LPAR3: variants seen among roughly 807,000 people sequenced by gnomAD.
The protein encoded by LPAR3 is lysophosphatidic acid receptor 3, also known as LPA receptor 3.
LPAR3 carries 7 observed loss-of-function variants against 17.8 expected under a neutral mutation model. That is an observed-to-expected ratio of 0.39 (90% confidence interval 0.22 to 0.74). The LOEUF (loss-of-function observed/expected upper bound fraction) is 0.74, where lower values mean the gene tolerates loss of function less well. LPAR3 is among the 30% of genes least tolerant of loss of function. The pLI is 0.40. For missense variants in LPAR3, 391 were observed against 453.4 expected, an observed-to-expected ratio of 0.86 and a Z score of 1.25; for synonymous variants, 179 against 179.9, an observed-to-expected ratio of 0.99 and a Z score of 0.04.
intron 2 of LPAR3, among the ~76,000 whole-genome samples, chr1:84,832,238 A>T (rs1208401095): frequency 1.3e-5 from 2 of 152,122 alleles, no homozygotes; most frequent in Non-Finnish European, 2.9e-5. Context: ...CCCCCTCCCC[A>T]TCTAGGAACA....
chr1:84,861,618 C>A (rs1659943515), intron 2 of LPAR3, among the ~76,000 whole-genome samples: 1 of 152,140 alleles, frequency 6.6e-6, no homozygotes, highest in Non-Finnish European at 1.5e-5. Flanking sequence ...GGGTAAAACC[C>A]AAATCTTTCT....
chr1:84,842,196 G>A (rs547726060), intron 2 of LPAR3, among the ~76,000 whole-genome samples: 5 of 152,266 alleles, frequency 3.3e-5, no homozygotes, highest in South Asian at 2.1e-4. Context: ...TTAAGCTGAC[G>A]TGAGTTGGTT....
chr1:84,819,096 G>A (rs1343725209), intron 2 of LPAR3, among the ~76,000 whole-genome samples: 5 of 151,998 alleles, frequency 3.3e-5, no homozygotes, highest in East Asian at 3.9e-4. Context: ...CTTCCTTCCC[G>A]TCAGCATAAG....
At chr1:84,839,518 G>C (rs1659469562) in intron 2 of LPAR3, among the ~76,000 whole-genome samples, 3 of 152,032 alleles carry the variant, frequency 2.0e-5, no homozygotes, top group African/African-American at 2.4e-5. Flanking sequence ...GCAAAAAGTA[G>C]AAACAATTAG....
intron 2 of LPAR3, among the ~76,000 whole-genome samples, chr1:84,858,948 T>C (rs914252464): frequency 9.9e-5 from 15 of 152,124 alleles, no homozygotes; most frequent in African/African-American, 3.4e-4. Context: ...TCTTACAAGG[T>C]GAATGGGAGT....
At chr1:84,892,642 A>G (rs935827747) in intron 1 of LPAR3, among the ~76,000 whole-genome samples, 1 of 152,210 alleles carries the variant, frequency 6.6e-6, no homozygotes, top group African/African-American at 2.4e-5. Context: ...CCTAATCACC[A>G]TCGATGGCAA....
chr1:84,856,403 T>C (rs1443059073), intron 2 of LPAR3, among the ~76,000 whole-genome samples: 30 of 152,230 alleles, frequency 2.0e-4, no homozygotes, highest in Non-Finnish European at 1.5e-5. Context: ...GTTTTCTTTT[T>C]TTCTATTTTA....
At chr1:84,817,190 C>A (rs935211311) in intron 2 of LPAR3, among the ~76,000 whole-genome samples, 6 of 151,122 alleles carry the variant, frequency 4.0e-5, no homozygotes, top group Non-Finnish European at 7.4e-5. Flanking sequence ...AAAGACATTC[C>A]TTTTAGTTTT....
chr1:84,892,025 A>C (rs1660560835), intron 1 of LPAR3, among the ~76,000 whole-genome samples: 2 of 152,006 alleles, frequency 1.3e-5, no homozygotes, highest in African/African-American at 4.8e-5. Flanking sequence ...CAGCCTGGCC[A>C]ACACAGTGGA....
chr1:84,847,525 T>G (rs1046295392), intron 2 of LPAR3, among the ~76,000 whole-genome samples: 1 of 152,204 alleles, frequency 6.6e-6, no homozygotes, highest in Non-Finnish European at 1.5e-5. Context: ...CTGGAGCCAG[T>G]TGGAGTCCAT....
At chr1:84,823,256 A>G (rs914097732) in intron 2 of LPAR3, among the ~76,000 whole-genome samples, 3 of 152,234 alleles carry the variant, frequency 2.0e-5, no homozygotes, top group Non-Finnish European at 2.9e-5. Context: ...ACGACATTAA[A>G]GAATTTGTTT....
chr1:84,867,205 C>T (rs1286001081), intron 1 of LPAR3, among the ~76,000 whole-genome samples: 1 of 152,220 alleles, frequency 6.6e-6, no homozygotes. Flanking sequence ...CATCTGTCTA[C>T]ACGTGGTGGG....
At chr1:84,853,678 C>T (rs149740325) in intron 2 of LPAR3, among the ~76,000 whole-genome samples, 134 of 152,298 alleles carry the variant, frequency 8.8e-4, no homozygotes, top group African/African-American at 2.8e-3. Context: ...AGCTCTGCCT[C>T]TCTCTGGCAT....
intron 2 of LPAR3, among the ~76,000 whole-genome samples, chr1:84,838,317 A>T (rs1659443430): frequency 6.6e-6 from 1 of 152,148 alleles, no homozygotes; most frequent in African/African-American, 2.4e-5. Flanking sequence ...TTCACAGATC[A>T]CCCTCTTGCA....
chr1:84,892,127 CG>C (rs1348052230), intron 1 of LPAR3, among the ~76,000 whole-genome samples: 1 of 151,780 alleles, frequency 6.6e-6, no homozygotes, highest in Non-Finnish European at 1.5e-5. Flanking sequence ...GCAGGAGAAT[CG>C]CTCGAACCTG....
chr1:84,861,890 C>T (rs1201134544), intron 2 of LPAR3, among the ~76,000 whole-genome samples: 1 of 152,178 alleles, frequency 6.6e-6, no homozygotes, highest in East Asian at 1.9e-4. Flanking sequence ...GTCAATACCA[C>T]ACCTGCCAAA....
At chr1:84,835,882 A>G (rs535220307) in intron 2 of LPAR3, among the ~76,000 whole-genome samples, 38 of 152,148 alleles carry the variant, frequency 2.5e-4, no homozygotes, top group African/African-American at 8.7e-4. Flanking sequence ...GGACATCCAT[A>G]TACTACATAC....
intron 1 of LPAR3, among the ~76,000 whole-genome samples, chr1:84,880,026 C>A (rs1319638614): frequency 6.6e-6 from 1 of 152,208 alleles, no homozygotes; most frequent in Non-Finnish European, 1.5e-5. Context: ...CTATATAGTA[C>A]ATGTATCAAA....
intron 2 of LPAR3, among the ~76,000 whole-genome samples, chr1:84,857,146 C>A (rs889381228): frequency 4.6e-5 from 7 of 152,154 alleles, no homozygotes; most frequent in Non-Finnish European, 8.8e-5. Flanking sequence ...ATGGCACCAA[C>A]AGTAGGCTTC....
Sources: gnomAD v4.1 joint callset for allele counts (sites outside exome capture counted in the v4.1 genomes callset) on GRCh38, gnomAD v4.1.1 for gene constraint, MANE v1.5 for transcripts, NCBI Gene and HGNC (gene_info 2026-07-23, HGNC 2026-07-21) for gene names.